GRIK1: variants seen among roughly 807,000 people sequenced by gnomAD.
GRIK1 encodes the protein glutamate receptor ionotropic, kainate 1.
Under a neutral mutation model 105.7 loss-of-function variants are expected in GRIK1, and 69 were observed. The ratio of observed to expected loss-of-function variants is 0.65; its 90% CI spans 0.54 to 0.80. The LOEUF (loss-of-function observed/expected upper bound fraction) is 0.80, where lower values mean the gene tolerates loss of function less well. Among genes scored for constraint, GRIK1 ranks in the 30% least tolerant of loss-of-function variants. The pLI, the probability that GRIK1 is intolerant of heterozygous loss-of-function variation, is 0.00. For missense variants in GRIK1, 1,109 were observed against 1,167.3 expected, an observed-to-expected ratio of 0.95 and a Z score of 0.73; for synonymous variants, 438 against 431.3, an observed-to-expected ratio of 1.02 and a Z score of -0.19.
In GRIK1 at chr21:29,939,486, T is replaced by A; in HGVS notation, c.15A>T (p.Thr5=). 6.3e-7 allele frequency: 1 copy of A among 1,582,772 alleles called. No individual in the cohort carries two copies. MEHG[T]LLAQPGLWTR... ...TCCAGAGCCCGGGCTGGGCGAGGAG[T>A]GTGCCGTGCTCCATCTTCCTAGCTT... Residue 5 remains threonine, a synonymous_variant, in exon 1 of 18, where the codon ACA becomes ACT. Transcript: ENST00000327783.
At chr21:29,824,900 A>C (rs1205965743) in intron 1 of GRIK1, among the ~76,000 whole-genome samples, 2 of 151,982 alleles carry the variant, frequency 1.3e-5, no homozygotes, top group Admixed American at 1.3e-4. Context: ...AGGATCAGGG[A>C]GATTGCAATT....
In GRIK1 at chr21:29,939,721, A is replaced by C; in HGVS notation, c.-221T>G. On this transcript the variant is annotated 5_prime_UTR_variant, in exon 1 of 18. The change abolishes an upstream ATG in the 5' untranslated region. Transcript: ENST00000327783. ...GGCTCCTCAGTGCTGTCGCTAGCCCATCACGGCTCCTCCTCCTCCTCTTCC... is the reference window on the plus strand; with the variant it reads ...GGCTCCTCAGTGCTGTCGCTAGCCCCTCACGGCTCCTCCTCCTCCTCTTCC... 2.4e-6 allele frequency: 1 copy of C among 421,076 alleles called. No homozygotes were observed. The allele number at this position is 421,076 out of a possible 1,614,324, so 26.1% of individuals were successfully genotyped here.
At chr21:29,848,779 A>ATATATATTTTTT in intron 1 of GRIK1, among the ~76,000 whole-genome samples, 9 of 77,854 alleles carry the variant, frequency 1.2e-4, no homozygotes, top group Admixed American at 1.7e-4. Context: ...ATATATATAT[A>ATATATATTTTTT]TTTTTTTTTT....
chr21:29,727,221 T>A (rs944372608), intron 1 of GRIK1, among the ~76,000 whole-genome samples: 1 of 152,194 alleles, frequency 6.6e-6, no homozygotes, highest in Non-Finnish European at 1.5e-5. Flanking sequence ...CTACCGTGCT[T>A]GGCCTTGGAG....
chr21:29,626,176 C>A (rs1383809575), intron 7 of GRIK1, among the ~76,000 whole-genome samples: 1 of 152,074 alleles, frequency 6.6e-6, no homozygotes. Flanking sequence ...TGGTGAGGGC[C>A]TTTTTGCTAA....
chr21:29,762,270 CGTAAG>C (rs973422896), intron 1 of GRIK1, among the ~76,000 whole-genome samples: 7 of 152,184 alleles, frequency 4.6e-5, no homozygotes, highest in African/African-American at 1.4e-4. Flanking sequence ...GCATCATCAT[CGTAAG>C]GTGCCATTAT....
chr21:29,602,882 A>G (rs916035986), intron 7 of GRIK1, among the ~76,000 whole-genome samples: 6 of 152,124 alleles, frequency 3.9e-5, no homozygotes, highest in Admixed American at 2.6e-4. Flanking sequence ...AGATCATTTG[A>G]TATCTCTTTT....
At chr21:29,738,002 A>G (rs1298863768) in intron 1 of GRIK1, among the ~76,000 whole-genome samples, 2 of 152,216 alleles carry the variant, frequency 1.3e-5, no homozygotes, top group African/African-American at 2.4e-5. Flanking sequence ...TGATTATAGG[A>G]AGCAAATCTC....
intron 9 of GRIK1, among the ~76,000 whole-genome samples, chr21:29,594,857 G>A (rs936525470): frequency 2.6e-5 from 4 of 152,182 alleles, no homozygotes; most frequent in African/African-American, 9.7e-5. Flanking sequence ...GAGGGATGTT[G>A]TAAAGATTGC....
At chr21:29,564,393 C>T (rs985047072) in intron 14 of GRIK1, among the ~76,000 whole-genome samples, 4 of 152,110 alleles carry the variant, frequency 2.6e-5, no homozygotes, top group African/African-American at 4.8e-5. Flanking sequence ...GTGATCCGCC[C>T]GCCTCGGCCT....
At chr21:29,816,989 T>C (rs1306174245) in intron 1 of GRIK1, among the ~76,000 whole-genome samples, 3 of 152,166 alleles carry the variant, frequency 2.0e-5, no homozygotes, top group Admixed American at 6.6e-5. Context: ...ATATTCTAAA[T>C]ATGCTGATTT....
Position 29,561,839 on chromosome 21 carries a change from A to G in GRIK1, c.2141T>C (p.Ile714Thr). The change falls in exon 15 of 18, where the codon ATC (isoleucine) becomes ACC (threonine). Residue 714 changes from isoleucine (I) to threonine (T), a missense_variant. Transcript: ENST00000327783. ...AGCCCACATCTTCTCATAGGTGGAG[A>G]TTTTTGATTTCTGGAGGGAAAGAAA... ...STMTFFKKSK[I>T]STYEKMWAFM... 4 of 1,610,524 alleles carry G rather than the reference A, an allele frequency of 2.5e-6. No homozygotes were observed. The South Asian group carries it at 3.3e-5, about 13-fold the overall frequency.
intron 1 of GRIK1, among the ~76,000 whole-genome samples, chr21:29,778,916 G>A (rs997920966): frequency 6.6e-5 from 10 of 151,414 alleles, no homozygotes; most frequent in African/African-American, 1.9e-4. Context: ...AGGGCTTTTC[G>A]AAAAAAAGGG....
At chr21:29,907,823 C>T (rs461248) in intron 1 of GRIK1, among the ~76,000 whole-genome samples, 33,502 of 152,002 alleles carry the variant, frequency 0.22, 4,196 homozygotes, top group African/African-American at 0.34. Flanking sequence ...ATCGTGCTAA[C>T]TTTTAAATTC....
intron 1 of GRIK1, among the ~76,000 whole-genome samples, chr21:29,744,639 C>T (rs1281400226): frequency 4.0e-5 from 6 of 151,134 alleles, no homozygotes; most frequent in Non-Finnish European, 8.8e-5. Context: ...CTCCTTCATT[C>T]AGGTCTCAGG....
At chr21:29,700,737 G>A (rs1322016900) in intron 1 of GRIK1, among the ~76,000 whole-genome samples, 1 of 152,164 alleles carries the variant, frequency 6.6e-6, no homozygotes, top group Non-Finnish European at 1.5e-5. Context: ...ACCTTAAAGG[G>A]AGGCAATTCC....
At chr21:29,930,782 T>C (rs2071538736) in intron 1 of GRIK1, among the ~76,000 whole-genome samples, 2 of 152,222 alleles carry the variant, frequency 1.3e-5, no homozygotes, top group Admixed American at 1.3e-4. Context: ...AACTGTTATA[T>C]AAAGCTTATT....
At chr21:29,640,479 T>C (rs1034739033) in intron 7 of GRIK1, among the ~76,000 whole-genome samples, 3 of 152,170 alleles carry the variant, frequency 2.0e-5, no homozygotes, top group African/African-American at 7.2e-5. Context: ...TTCTGATTCA[T>C]TCCCCCCTCC....
At chr21:29,648,982 AC>A (rs2062672943) in intron 6 of GRIK1, among the ~76,000 whole-genome samples, 1 of 152,198 alleles carries the variant, frequency 6.6e-6, no homozygotes, top group African/African-American at 2.4e-5. Context: ...AGGCAACTTG[AC>A]AGCAAAGATT....
Sources: allele counts gnomAD v4.1 joint callset (sites outside exome capture counted in the v4.1 genomes callset), GRCh38; gene constraint gnomAD v4.1.1; transcripts MANE v1.5; gene names NCBI Gene and HGNC (gene_info 2026-07-23, HGNC 2026-07-21).